The following HFM1 variants were observed in gnomAD, a reference collection of about 807,000 sequenced individuals.
The protein encoded by HFM1 is probable ATP-dependent DNA helicase HFM1.
A neutral mutation model predicts 192.1 loss-of-function variants in HFM1; 169 were observed. The observed-to-expected ratio is 0.88, with a 90% CI of 0.78 to 1.00. The LOEUF (loss-of-function observed/expected upper bound fraction) is 1.00, where lower values mean the gene tolerates loss of function less well. Among genes scored for constraint, HFM1 ranks in the 50% least tolerant of loss-of-function variants. The pLI is 0.00. For missense variants in HFM1, 1,661 were observed against 1,668.0 expected, an observed-to-expected ratio of 1.00 and a Z score of 0.07; for synonymous variants, 525 against 537.8, an observed-to-expected ratio of 0.98 and a Z score of 0.33.
At chr1:91,311,839 G>A (rs1263239428) in intron 30 of HFM1, among the ~76,000 whole-genome samples, 2 of 152,120 alleles carry the variant, frequency 1.3e-5, no homozygotes, top group Non-Finnish European at 2.9e-5. Context: ...GGCCCAGGAG[G>A]AAAAAGTGCT....
intron 13 of HFM1, among the ~76,000 whole-genome samples, chr1:91,369,124 A>G (rs540674383): frequency 0.014 from 2,104 of 152,248 alleles, 51 homozygotes; most frequent in African/African-American, 0.047. Flanking sequence ...CTACAAAGAG[A>G]CTTAGACTCC....
chr1:91,315,489 A>G (rs988273779), intron 28 of HFM1, among the ~76,000 whole-genome samples: 1 of 152,228 alleles, frequency 6.6e-6, no homozygotes, highest in Admixed American at 6.5e-5. Context: ...GAAAGACTGC[A>G]TCCAAACAGT....
At position 91,323,145 on chromosome 1, in the gene HFM1, C is replaced by T. The variant is rs1384113337; in HGVS notation, c.2482G>A (p.Glu828Lys). ...TTCAAAGTATTCAGTGTTTTCTTTT[C>T]ATTTATCCTTAACTGTATATCTAGA... ...EFLDIQLRIN[E>K]KKTLNTLNKD... is the part of the protein sequence containing the mutation. The change falls in exon 22 of 39, where the codon GAA becomes AAA. Residue 828 changes from glutamate to lysine, a missense_variant. By Grantham distance (56) the Glu-to-Lys change is moderately conservative. Transcript: ENST00000370425. 2 of 1,595,432 alleles carry T rather than the reference C, an allele frequency of 1.3e-6. No homozygotes were observed. The highest frequency in any genetic ancestry group is 1.7e-6 in the Non-Finnish European group (2 of 1,166,570).
intron 34 of HFM1, among the ~76,000 whole-genome samples, chr1:91,269,226 G>T (rs558779190): frequency 6.5e-4 from 99 of 152,150 alleles, no homozygotes; most frequent in African/African-American, 2.2e-3. Flanking sequence ...ATGCACGACA[G>T]AACCCTATAA....
chr1:91,401,708 T>G (rs1466915510), intron 1 of HFM1, among the ~76,000 whole-genome samples: 1 of 152,150 alleles, frequency 6.6e-6, no homozygotes, highest in Non-Finnish European at 1.5e-5. Context: ...GGTTTGAACT[T>G]TTTCAAAATA....
At chr1:91,291,518 T>C (rs964398613) in intron 30 of HFM1, among the ~76,000 whole-genome samples, 16 of 152,166 alleles carry the variant, frequency 1.1e-4, no homozygotes, top group Admixed American at 1.0e-3. Context: ...GTTGAATCTC[T>C]GAATAGACCA....
chr1:91,396,518 TTC>T (rs1442846423), intron 2 of HFM1, 113 bp from the exon 3 acceptor site: 8 of 574,726 alleles, frequency 1.4e-5, no homozygotes, highest in African/African-American at 1.1e-4. Context: ...TAAATTAACT[TTC>T]TGTCAGCACT....
Position 91,394,408 on chromosome 1 carries a change from A to G in HFM1, c.185-6T>C, listed in dbSNP as rs540323440. 1.6e-5 allele frequency: 23 copies of G among 1,395,502 alleles called. No homozygotes were observed. In the African/African-American group the frequency reaches 2.7e-4, roughly 17 times the overall value. The allele number at this position is 1,395,502 out of a possible 1,614,324, so 86.4% of individuals were successfully genotyped here. On this transcript the variant is annotated splice_polypyrimidine_tract_variant and splice_region_variant and intron_variant, in intron 3 of 38. Transcript: ENST00000370425. ...TTTTGGCCTCTTTTCCTGACCTACAAAAAAGGAATATCTTAATTATTACAT... is the reference window on the plus strand; with the variant it reads ...TTTTGGCCTCTTTTCCTGACCTACAGAAAAGGAATATCTTAATTATTACAT...
chr1:91,313,559 TTA>T (rs1650782375), intron 29 of HFM1, 64 bp from the exon 30 acceptor site: 1 of 1,072,804 alleles, frequency 9.3e-7, no homozygotes, highest in East Asian at 2.6e-5. Flanking sequence ...ATGAGAACAC[TTA>T]TTTCTTTTTA....
chr1:91,364,231 A>C (rs1265714142), intron 13 of HFM1, among the ~76,000 whole-genome samples: 2 of 152,102 alleles, frequency 1.3e-5, no homozygotes, highest in African/African-American at 4.8e-5. Context: ...GTATATGAAA[A>C]GGTGTTGAAC....
chr1:91,376,330 T>C (rs1660903673), intron 11 of HFM1, among the ~76,000 whole-genome samples: 1 of 151,980 alleles, frequency 6.6e-6, no homozygotes, highest in African/African-American at 2.4e-5. Flanking sequence ...GACTGTTGTT[T>C]TGACAGGTAG....
At chr1:91,299,182 G>C (rs1227302114) in intron 30 of HFM1, among the ~76,000 whole-genome samples, 1 of 152,094 alleles carries the variant, frequency 6.6e-6, no homozygotes, top group Non-Finnish European at 1.5e-5. Context: ...AAGATCAAAA[G>C]ACACAAAGGC....
At chr1:91,267,385 T>C (rs684293) in intron 35 of HFM1, among the ~76,000 whole-genome samples, 152,063 of 152,248 alleles carry the variant, frequency 1, 75,939 homozygotes, top group East Asian at 1. Context: ...TTTTTGTTCT[T>C]CACAAATATT....
chr1:91,291,821 G>T (rs963225071), intron 30 of HFM1, among the ~76,000 whole-genome samples: 3 of 151,932 alleles, frequency 2.0e-5, no homozygotes, highest in Non-Finnish European at 4.4e-5. Flanking sequence ...CTGGCAAACC[G>T]AATCCAGCAG....
At chr1:91,352,158 G>T (rs975229060) in intron 16 of HFM1, among the ~76,000 whole-genome samples, 1 of 151,002 alleles carries the variant, frequency 6.6e-6, no homozygotes, top group Admixed American at 6.6e-5. Context: ...TTCATGTTCT[G>T]TAATGTGACA....
chr1:91,399,362 A>G (rs546835995), intron 2 of HFM1, among the ~76,000 whole-genome samples: 399 of 152,280 alleles, frequency 2.6e-3, no homozygotes, highest in African/African-American at 9.0e-3. Context: ...CTCCCTCTAG[A>G]TTATACCTAC....
chr1:91,398,226 C>T (rs1663904995), intron 2 of HFM1, among the ~76,000 whole-genome samples: 1 of 152,190 alleles, frequency 6.6e-6, no homozygotes, highest in African/African-American at 2.4e-5. Flanking sequence ...TACTATTCTG[C>T]CTCTTAATAA....
chr1:91,295,944 T>A (rs991478931), intron 30 of HFM1, among the ~76,000 whole-genome samples: 1 of 152,180 alleles, frequency 6.6e-6, no homozygotes, highest in African/African-American at 2.4e-5. Flanking sequence ...TCTTTCTTTT[T>A]TTTTGAGACG....
chr1:91,309,796 CATG>C (rs2101106348), intron 30 of HFM1, among the ~76,000 whole-genome samples: 1 of 152,038 alleles, frequency 6.6e-6, no homozygotes, highest in African/African-American at 2.4e-5. Context: ...AGTATGAATT[CATG>C]ATGTCTTTTA....
Sources: allele counts gnomAD v4.1 joint callset (sites outside exome capture counted in the v4.1 genomes callset), GRCh38; gene constraint gnomAD v4.1.1; transcripts MANE v1.5; gene names NCBI Gene and HGNC (gene_info 2026-07-23, HGNC 2026-07-21).